The following CTNNA2 variants were observed in gnomAD, a reference collection of about 807,000 sequenced individuals.
CTNNA2 encodes the protein catenin alpha-2.
CTNNA2 carries 42 observed loss-of-function variants against 101.0 expected under a neutral mutation model. That is an observed-to-expected ratio of 0.42 (90% confidence interval 0.32 to 0.54). The LOEUF is 0.54. Among genes scored for constraint, CTNNA2 ranks in the 20% least tolerant of loss-of-function variants. The pLI is 0.14. For missense variants in CTNNA2, 871 were observed against 1,223.1 expected, an observed-to-expected ratio of 0.71 and a Z score of 4.29; for synonymous variants, 450 against 456.4, an observed-to-expected ratio of 0.99 and a Z score of 0.18.
intron 4 of CTNNA2, among the ~76,000 whole-genome samples, chr2:79,411,339 C>A (rs1414827924): frequency 1.3e-5 from 2 of 151,930 alleles, no homozygotes; most frequent in East Asian, 3.9e-4. Context: ...TTGCCTTCTG[C>A]TAGCTTTTGA....
At chr2:79,853,170 G>A (rs1022439839) in intron 3 of CTNNA2, among the ~76,000 whole-genome samples, 2 of 149,252 alleles carry the variant, frequency 1.3e-5, no homozygotes, top group African/African-American at 4.9e-5. Context: ...ACCTTGTTTT[G>A]TTTTTTTGAG....
At chr2:80,544,927 A>G (rs373829869) in intron 9 of CTNNA2, 55 bp from the exon 10 acceptor site, 1 of 1,455,116 alleles carries the variant, frequency 6.9e-7, no homozygotes, top group Non-Finnish European at 9.6e-7. Context: ...GCGGAGCAAC[A>G]GTATACTTTC....
At chr2:80,098,647 G>C (rs995424271) in intron 7 of CTNNA2, among the ~76,000 whole-genome samples, 7 of 152,298 alleles carry the variant, frequency 4.6e-5, no homozygotes, top group Admixed American at 4.6e-4. Flanking sequence ...GCTGTGGTGG[G>C]GTCCACCCAG....
chr2:79,186,240 C>T (rs1673777397), intron 1 of CTNNA2, among the ~76,000 whole-genome samples: 1 of 152,036 alleles, frequency 6.6e-6, no homozygotes, highest in Non-Finnish European at 1.5e-5. Flanking sequence ...AATCTAAATA[C>T]CAACATTTTG....
At chr2:80,169,164 G>A (rs780012331) in intron 7 of CTNNA2, among the ~76,000 whole-genome samples, 4 of 152,194 alleles carry the variant, frequency 2.6e-5, no homozygotes, top group Non-Finnish European at 5.9e-5. Flanking sequence ...CCTCTTGCCT[G>A]GGGGCAGAAA....
chr2:79,364,729 C>A (rs1211262961), intron 3 of CTNNA2, among the ~76,000 whole-genome samples: 1 of 152,120 alleles, frequency 6.6e-6, no homozygotes, highest in Non-Finnish European at 1.5e-5. Context: ...TAGCCTCATT[C>A]TCCATCAACT....
chr2:80,545,937 C>A lies in CTNNA2; in HGVS notation c.1414C>A (p.Arg472=), dbSNP rs759107518. ...CAATGCCGCTCTGACACTGGCTGCCCGGCCACAGAGCAAAGTTGCTCAGGA... is the reference window on the plus strand; with the variant it reads ...CAATGCCGCTCTGACACTGGCTGCCAGGCCACAGAGCAAAGTTGCTCAGGA... ...VINAALTLAA[R]PQSKVAQDNM... The change falls in exon 11 of 19, where the codon CGG becomes AGG. Residue 472 remains arginine (R), a synonymous_variant. Coordinates refer to ENST00000402739, the MANE Select transcript of CTNNA2 (RefSeq NM_001282597.3). The A allele has an allele frequency of 2.5e-6, 4 of 1,613,882 alleles. No individual in the cohort carries two copies. Among genetic ancestry groups the A allele is most frequent in the Middle Eastern group, 1.6e-4 (1 of 6,082 alleles).
rs781557628 is a variant in CTNNA2, at chr2:80,581,180, A to G, written c.1894-526A>G. Among the ~76,000 whole-genome samples the G allele has an allele frequency of 4.8e-4, 73 of 152,310 alleles. 2 individuals are homozygous for G. The highest frequency in any genetic ancestry group is 1.5e-3 in the East Asian group (8 of 5,174). On this transcript the variant is annotated intron_variant, in intron 13 of 18. Transcript: ENST00000402739. The stretch of plus-strand genomic sequence containing the variant: ...AGGAAGTCAAACTAAGAGAGGTAAG[A>G]TAGTTTATTTATGAGCACATAGGGG...
chr2:80,259,811 A>G (rs1224755648), intron 7 of CTNNA2, among the ~76,000 whole-genome samples: 2 of 152,200 alleles, frequency 1.3e-5, no homozygotes, highest in Non-Finnish European at 2.9e-5. Flanking sequence ...GTAATAATGG[A>G]CAAAGGATTT....
intron 9 of CTNNA2, among the ~76,000 whole-genome samples, chr2:80,426,490 T>A (rs1574012797): frequency 6.6e-6 from 1 of 152,310 alleles, no homozygotes; most frequent in East Asian, 1.9e-4. Flanking sequence ...CACATTCTAT[T>A]GTGCAGGCAA....
intron 2 of CTNNA2, among the ~76,000 whole-genome samples, chr2:79,671,298 A>G (rs1391879757): frequency 6.6e-6 from 1 of 152,222 alleles, no homozygotes; most frequent in African/African-American, 2.4e-5. Flanking sequence ...CGCATAGCTC[A>G]GATAAGTGAT....
At chr2:80,148,404 T>C (rs1487735918) in intron 7 of CTNNA2, among the ~76,000 whole-genome samples, 1 of 152,206 alleles carries the variant, frequency 6.6e-6, no homozygotes, top group Non-Finnish European at 1.5e-5. Flanking sequence ...ATACAAAGGC[T>C]AAATGATCAC....
chr2:80,149,375 A>G (rs1455502825), intron 7 of CTNNA2, among the ~76,000 whole-genome samples: 1 of 152,112 alleles, frequency 6.6e-6, no homozygotes, highest in Non-Finnish European at 1.5e-5. Context: ...ACCTCTAGAA[A>G]ATGTACTGTT....
At chr2:79,502,026 T>G (rs144102591) in intron 4 of CTNNA2, among the ~76,000 whole-genome samples, 2 of 151,484 alleles carry the variant, frequency 1.3e-5, no homozygotes, top group Admixed American at 1.3e-4. Context: ...GAAGTTACTT[T>G]CAAGTGGATG....
rs541205088 is a variant in CTNNA2, at chr2:80,095,840, G to A, written c.1056+186043G>A. Among the ~76,000 whole-genome samples the A allele has an allele frequency of 2.0e-4, 31 of 151,442 alleles. 2 individuals carry two copies. In the South Asian group the frequency reaches 2.5e-3, roughly 12 times the overall value. On this transcript the variant is annotated intron_variant, in intron 7 of 18. Coordinates refer to ENST00000402739, the MANE Select transcript of CTNNA2 (RefSeq NM_001282597.3). ...TGGTAGTTTGTATTTCTGTGGGATCGGTGGTGATATCCCCTTTATCATTTT... is the reference window on the plus strand; with the variant it reads ...TGGTAGTTTGTATTTCTGTGGGATCAGTGGTGATATCCCCTTTATCATTTT...
chr2:79,978,895 C>T (rs921738190), intron 7 of CTNNA2, among the ~76,000 whole-genome samples: 4 of 152,164 alleles, frequency 2.6e-5, no homozygotes, highest in Non-Finnish European at 5.9e-5. Flanking sequence ...CAGCAATGCT[C>T]TATTTTATCA....
At position 80,111,717 on chromosome 2, in the gene CTNNA2, C is replaced by T. The variant is rs1473353753; in HGVS notation, c.1056+201920C>T. 3.3e-5 allele frequency among the ~76,000 whole-genome samples: 5 copies of T among 152,008 alleles called. No individual in the cohort carries two copies. The East Asian group carries it at 7.7e-4, about 24-fold the overall frequency. On this transcript the variant is annotated intron_variant, in intron 7 of 18. Transcript: ENST00000402739. Reference sequence around the variant, plus strand: ...CCACCACGCTAGGCTAATTGTTTTACGTTTTGTAGAGATGGGGTCACAATA... The same window carrying T: ...CCACCACGCTAGGCTAATTGTTTTATGTTTTGTAGAGATGGGGTCACAATA...
At chr2:80,391,943 C>T (rs1485509732) in intron 7 of CTNNA2, among the ~76,000 whole-genome samples, 2 of 152,312 alleles carry the variant, frequency 1.3e-5, no homozygotes, top group East Asian at 3.9e-4. Flanking sequence ...AATATATGCA[C>T]ATATGCCTTG....
chr2:80,648,330 A>C lies in CTNNA2; in HGVS notation c.*458A>C, dbSNP rs1674329843. The C allele has an allele frequency of 6.5e-6, 1 of 153,258 alleles. No homozygotes were observed. Among genetic ancestry groups the C allele is most frequent in the African/African-American group, 2.4e-5 (1 of 41,460 alleles). The allele number at this position is 153,258 out of a possible 1,614,324, so 9.5% of individuals were successfully genotyped here. A position where few individuals can be genotyped will look rare whatever the true frequency, so the allele number is the denominator to read the frequency against. ...CAAAAATGTACTAGCCAATACGCTTAAGTGTGTGGCCCATGAATTGAACAA... is the reference window on the plus strand; with the variant it reads ...CAAAAATGTACTAGCCAATACGCTTCAGTGTGTGGCCCATGAATTGAACAA... On this transcript the variant is annotated 3_prime_UTR_variant, in exon 19 of 19. Transcript: ENST00000402739.
Sources: gnomAD v4.1 joint callset for allele counts (sites outside exome capture counted in the v4.1 genomes callset) on GRCh38, gnomAD v4.1.1 for gene constraint, MANE v1.5 for transcripts, NCBI Gene and HGNC (gene_info 2026-07-23, HGNC 2026-07-21) for gene names.